Variants in PLCB3 observed in about 807,000 individuals in gnomAD.
PLCB3 encodes phospholipase C beta 3.
PLCB3 carries 54 observed loss-of-function variants against 152.1 expected under a neutral mutation model. The ratio of observed to expected loss-of-function variants is 0.36; its 90% CI spans 0.29 to 0.45. The LOEUF (loss-of-function observed/expected upper bound fraction) is 0.45, where lower values mean the gene tolerates loss of function less well. Ranked by LOEUF, PLCB3 falls within the 20% of genes least tolerant of loss-of-function variation. The pLI is 1.00. For synonymous variants in PLCB3, 717 were observed against 698.7 expected, an observed-to-expected ratio of 1.03 and a Z score of -0.41; for missense variants, 1,248 against 1,687.5, an observed-to-expected ratio of 0.74 and a Z score of 4.56.
intron 22 of PLCB3, among the ~76,000 whole-genome samples, chr11:64,264,483 C>T (rs954600540): frequency 1.3e-5 from 2 of 152,166 alleles, no homozygotes; most frequent in African/African-American, 4.8e-5. Context: ...CCAGTCCCCC[C>T]AGGGCCTGCG....
rs200287886 is a variant in PLCB3, at chr11:64,258,448, C to T, written c.1013-25C>T. ...GAGGAGCTGGGCTGGTGGGCGGCCT[C>T]GGTGACAGAGCCTCGCCGCCCCAGC... On this transcript the variant is annotated intron_variant, in intron 10 of 30. Coordinates refer to ENST00000279230, the MANE Select transcript of PLCB3 (RefSeq NM_000932.5). The surrounding 1 kb of genome is among the most constrained non-coding windows in gnomAD (Gnocchi z 7.2). 278 of 1,606,910 alleles carry T rather than the reference C, an allele frequency of 1.7e-4. 1 individual carries two copies. The highest frequency in any genetic ancestry group is 1.3e-3 in the Middle Eastern group (8 of 5,978).
At position 64,264,022 on chromosome 11, in the gene PLCB3, C is replaced by G. The variant is rs1277140660; in HGVS notation, c.2562C>G (p.Asp854Glu). ...ASDYIPDDHQ[D>E]YAEALINPIK... ...CCTTGGCCTTCTGCCTCCCCCCAGA[C>G]TATGCGGAGGCCCTGATCAACCCCA... The change falls in exon 22 of 31, where the codon GAC becomes GAG. Residue 854 changes from aspartate to glutamate, a missense_variant and splice_region_variant. By Grantham distance (45) the Asp-to-Glu change is conservative. Transcript: ENST00000279230. 2 of 1,572,794 alleles carry G rather than the reference C, an allele frequency of 1.3e-6. No homozygotes were observed. The highest frequency in any genetic ancestry group is 1.4e-5 in the African/African-American group (1 of 73,502).
At position 64,255,190 on chromosome 11, in the gene PLCB3, T is replaced by C. The variant is rs1029424483; in HGVS notation, c.388-44T>C. 1.9e-6 allele frequency: 3 copies of C among 1,550,858 alleles called. No individual in the cohort carries two copies. Among genetic ancestry groups the C allele is most frequent in the Non-Finnish European group, 2.7e-6 (3 of 1,125,578 alleles). The stretch of plus-strand genomic sequence containing the variant: ...ACCTGGGTTGTGGCTGGGCAGCCCC[T>C]GTGTCCCCCACTCACCGCCTCCCCG... On this transcript the variant is annotated intron_variant, in intron 4 of 30. Coordinates refer to ENST00000279230, the MANE Select transcript of PLCB3 (RefSeq NM_000932.5). This position sits in a 1 kb window ranked among gnomAD's most constrained non-coding sequence, Gnocchi z 6.8.
chr11:64,256,352 G>A (rs1457600503), intron 8 of PLCB3, 24 bp from the exon 9 acceptor site: 1 of 1,609,718 alleles, frequency 6.2e-7, no homozygotes, highest in South Asian at 1.1e-5. Context: ...GCTCCATCCT[G>A]ACCCAGCTTC....
chr11:64,265,252 A>AG, intron 24 of PLCB3, 25 bp downstream of exon 24: 1 of 1,592,886 alleles, frequency 6.3e-7, no homozygotes, highest in South Asian at 1.1e-5. Context: ...ACCTGGAGGC[A>AG]GGGGGCTGCC....
At position 64,262,462 on chromosome 11, in the gene PLCB3, C is replaced by T. The variant is rs2031902017; in HGVS notation, c.2094C>T (p.Tyr698=). ...TTGAGTACAACGGGCGCAGCGGGTA[C>T]CTGCTCAAGCCGGAGTTCATGCGGC... The part of the protein sequence containing the change: ...GVFEYNGRSG[Y]LLKPEFMRRP... The change falls in exon 18 of 31, where the codon TAC becomes TAT. Residue 698 remains tyrosine (Y), a synonymous_variant. Transcript: ENST00000279230. 1 of 1,613,920 alleles carries T rather than the reference C, an allele frequency of 6.2e-7. No individual in the cohort carries two copies.
intron 17 of PLCB3, 54 bp downstream of exon 17, chr11:64,262,130 G>A: frequency 6.2e-7 from 1 of 1,609,722 alleles, no homozygotes; most frequent in Non-Finnish European, 8.5e-7. Context: ...ACTGACTTCT[G>A]ACCCACGATC....
intron 21 of PLCB3, 93 bp downstream of exon 21, chr11:64,263,888 C>A: frequency 8.2e-7 from 1 of 1,224,700 alleles, no homozygotes; most frequent in Non-Finnish European, 1.2e-6. Flanking sequence ...TGGATGGCCC[C>A]GACTGAGTAG....
chr11:64,256,668 G>A lies in PLCB3; in HGVS notation c.916G>A (p.Gly306Ser). The A allele has an allele frequency of 3.1e-6, 5 of 1,614,226 alleles. No individual in the cohort carries two copies. Among genetic ancestry groups the A allele is most frequent in the Non-Finnish European group, 4.2e-6 (5 of 1,180,036 alleles). Residue 306 changes from glycine (G) to serine (S), a missense_variant, in exon 10 of 31, where the codon GGC becomes AGC. Physicochemically the swap from Gly to Ser is moderately conservative, Grantham distance 56 (BLOSUM62 0). Transcript: ENST00000279230. ...CCGCTACCTGGGAGGCGAGGAGAAT[G>A]GCATCCTGCCCCTGGAAGCCCTGGA... ...FSRYLGGEEN[G>S]ILPLEALDLS...
chr11:64,268,239 T>C (rs908567754), downstream of PLCB3, among the ~76,000 whole-genome samples: 6 of 152,214 alleles, frequency 3.9e-5, no homozygotes, highest in East Asian at 1.9e-4. Context: ...TGGCCTGATA[T>C]GACCCAAACG....
In PLCB3 at chr11:64,266,664, T is replaced by C; in HGVS notation, c.3414+112T>C. 1 of 1,017,364 alleles carries C rather than the reference T, an allele frequency of 9.8e-7. No homozygotes were observed. Among genetic ancestry groups the C allele is most frequent in the Non-Finnish European group, 1.5e-6 (1 of 654,458 alleles). 63.0% of individuals were successfully genotyped at this position (1,017,364 alleles called of 1,614,324 possible). A position where few individuals can be genotyped will look rare whatever the true frequency, so the allele number is the denominator to read the frequency against. On this transcript the variant is annotated intron_variant, in intron 29 of 30. Coordinates refer to ENST00000279230, the MANE Select transcript of PLCB3 (RefSeq NM_000932.5). This position sits in a 1 kb window ranked among gnomAD's most constrained non-coding sequence, Gnocchi z 4.9. ...TGCCCTCAAGGTTCTTCTAGGGCCT[T>C]TCTCAAGTGCCCAACAGCCCCAGGG...
In PLCB3 at chr11:64,266,254, A is replaced by AG; in HGVS notation, c.3266+54dup. ...AGGGCTGGGGACTTCTAGTACCAGA[A>AG]GGAGGGCAGAGTCTGTGCTTCTGCC... On this transcript the variant is annotated intron_variant, in intron 27 of 30. Coordinates refer to ENST00000279230, the MANE Select transcript of PLCB3 (RefSeq NM_000932.5). This position sits in a 1 kb window ranked among gnomAD's most constrained non-coding sequence, Gnocchi z 4.9. 6.2e-7 allele frequency: 1 copy of AG among 1,613,890 alleles called. No homozygotes were observed. Among genetic ancestry groups the AG allele is most frequent in the Non-Finnish European group, 8.5e-7 (1 of 1,179,934 alleles).
chr11:64,267,619 A>C lies in PLCB3; in HGVS notation c.*63A>C. ...GCTGGGTGGAGGGCAGGAGGCAATG[A>C]CACTAATGCTTTTTTTTTTTTTTTT... On this transcript the variant is annotated 3_prime_UTR_variant, in exon 31 of 31. Coordinates refer to ENST00000279230, the MANE Select transcript of PLCB3 (RefSeq NM_000932.5). This position sits in a 1 kb window ranked among gnomAD's most constrained non-coding sequence, Gnocchi z 5.2. 9.2e-7 allele frequency: 1 copy of C among 1,089,434 alleles called. No individual in the cohort carries two copies. Among genetic ancestry groups the C allele is most frequent in the Non-Finnish European group, 1.3e-6 (1 of 775,604 alleles). 67.5% of individuals were successfully genotyped at this position (1,089,434 alleles called of 1,614,324 possible). A position where few individuals can be genotyped will look rare whatever the true frequency, so the allele number is the denominator to read the frequency against.
rs1446621016 is a variant in PLCB3, at chr11:64,254,764, A to G, written c.194A>G (p.Asp65Gly). Reference protein sequence around the residue: ...TGPNMEVDTLDISSIRDTRTG... With the variant: ...TGPNMEVDTLGISSIRDTRTG... ...TCCCCCCAGGAGGTGGACACACTGG[A>G]CATCAGTTCCATCAGGGACACACGG... Residue 65 changes from aspartate (D) to glycine (G), a missense_variant, in exon 3 of 31, where the codon GAC becomes GGC. Asp to Gly is a moderately conservative substitution (Grantham distance 94, BLOSUM62 -1). Transcript: ENST00000279230. 1 of 1,613,196 alleles carries G rather than the reference A, an allele frequency of 6.2e-7. No individual in the cohort carries two copies. Among genetic ancestry groups the G allele is most frequent in the Admixed American group, 1.7e-5 (1 of 60,018 alleles).
Position 64,261,304 on chromosome 11 carries a change from TGGGAAGAGGGTCA to T in PLCB3, c.1732-94_1732-82del, listed in dbSNP as rs552905308. 441 of 889,458 alleles carry T rather than the reference TGGGAAGAGGGTCA, an allele frequency of 5.0e-4. No individual in the cohort carries two copies. In the African/African-American group the frequency reaches 6.6e-3, roughly 13 times the overall value. 55.1% of individuals were successfully genotyped at this position (889,458 alleles called of 1,614,324 possible). A position where few individuals can be genotyped will look rare whatever the true frequency, so the allele number is the denominator to read the frequency against. ...ACCACCAGCAGTGTGTATATAGTGC[TGGGAAGAGGGTCA>T]GCACCTCCTTCATGGGGGGCAGGTG... On this transcript the variant is annotated intron_variant, in intron 14 of 30. Transcript: ENST00000279230.
Position 64,251,581 on chromosome 11 carries a change from G to C in PLCB3, c.-69G>C. On this transcript the variant is annotated 5_prime_UTR_variant, in exon 1 of 31. Coordinates refer to ENST00000279230, the MANE Select transcript of PLCB3 (RefSeq NM_000932.5). ...GCCGCGGGGCCGGAGCGGGCCGCGCGGTGGGAGCAGCGGCGCCGTCGGTCC... is the reference window on the plus strand; with the variant it reads ...GCCGCGGGGCCGGAGCGGGCCGCGCCGTGGGAGCAGCGGCGCCGTCGGTCC... The C allele has an allele frequency of 1.5e-6, 1 of 659,120 alleles. No individual in the cohort carries two copies. Among genetic ancestry groups the C allele is most frequent in the Non-Finnish European group, 2.1e-6 (1 of 474,034 alleles). The allele number at this position is 659,120 out of a possible 1,614,324, so 40.8% of individuals were successfully genotyped here. A position where few individuals can be genotyped will look rare whatever the true frequency, so the allele number is the denominator to read the frequency against.
chr11:64,259,370 A>T, intron 13 of PLCB3, 126 bp downstream of exon 13: 1 of 815,994 alleles, frequency 1.2e-6, no homozygotes, highest in Non-Finnish European at 1.9e-6. Flanking sequence ...CTGTTCCCAC[A>T]ACCGGCCTGT....
Position 64,254,732 on chromosome 11 carries a change from A to T in PLCB3, c.178-16A>T. On this transcript the variant is annotated splice_polypyrimidine_tract_variant and intron_variant, in intron 2 of 30. Coordinates refer to ENST00000279230, the MANE Select transcript of PLCB3 (RefSeq NM_000932.5). ...TGCAGCCTCTCATACTCAGCCTGGC[A>T]TCTGGTTCCCCCCAGGAGGTGGACA... The T allele has an allele frequency of 1.2e-6, 2 of 1,611,990 alleles. No homozygotes were observed. The highest frequency in any genetic ancestry group is 1.7e-6 in the Non-Finnish European group (2 of 1,179,584).
At chr11:64,264,459 C>T (rs2032012468) in intron 22 of PLCB3, among the ~76,000 whole-genome samples, 1 of 152,130 alleles carries the variant, frequency 6.6e-6, no homozygotes, top group South Asian at 2.1e-4. Context: ...GGAGGTTCAC[C>T]TGCGCTTCCA....
Sources: gnomAD v4.1 joint callset for allele counts (sites outside exome capture counted in the v4.1 genomes callset) on GRCh38, gnomAD v4.1.1 for gene constraint, Gnocchi (gnomAD v3.1) non-coding constraint, MANE v1.5 for transcripts, NCBI Gene and HGNC (gene_info 2026-07-23, HGNC 2026-07-21) for gene names.